The following BRINP3 variants were observed in gnomAD, a reference collection of about 807,000 sequenced individuals.
BRINP3 encodes the protein BMP/retinoic acid-inducible neural-specific protein 3.
BRINP3 carries 19 observed loss-of-function variants against 71.0 expected under a neutral mutation model. That is an observed-to-expected ratio of 0.27 (90% CI 0.19 to 0.39). The LOEUF is 0.39. Among genes scored for constraint, BRINP3 ranks in the 10% least tolerant of loss-of-function variants. The probability of loss-of-function intolerance (pLI) is 1.00; values close to 1 mark genes in which losing one functional copy is unlikely to be tolerated. For synonymous variants in BRINP3, 380 were observed against 337.7 expected, an observed-to-expected ratio of 1.13 and a Z score of -1.37; for missense variants, 959 against 940.8, an observed-to-expected ratio of 1.02 and a Z score of -0.25.
chr1:190,196,978 T>C (rs1654540931), intron 6 of BRINP3, among the ~76,000 whole-genome samples: 1 of 151,130 alleles, frequency 6.6e-6, no homozygotes, highest in Admixed American at 6.6e-5. Flanking sequence ...ATTATTGTTT[T>C]AGTCTGTTCT....
intron 7 of BRINP3, among the ~76,000 whole-genome samples, chr1:190,101,028 C>G (rs1254157412): frequency 1.3e-5 from 2 of 152,138 alleles, no homozygotes; most frequent in Non-Finnish European, 2.9e-5. Flanking sequence ...GTCTTGCCCT[C>G]TCTTTGCTCT....
chr1:190,473,834 G>A (rs1400141354), intron 1 of BRINP3, among the ~76,000 whole-genome samples: 3 of 150,758 alleles, frequency 2.0e-5, no homozygotes, highest in Non-Finnish European at 4.4e-5. Context: ...TCATACTGGG[G>A]TTGTACGCTA....
chr1:190,339,645 C>T (rs1667523929), intron 2 of BRINP3, among the ~76,000 whole-genome samples: 1 of 151,856 alleles, frequency 6.6e-6, no homozygotes, highest in Non-Finnish European at 1.5e-5. Context: ...ATTCATGTGG[C>T]TCCTCTAGTA....
rs187869507 is a variant in BRINP3, at chr1:190,118,737, C to A, written c.1185-19603G>T. 5.9e-5 allele frequency among the ~76,000 whole-genome samples: 9 copies of A among 152,300 alleles called. No homozygotes were observed. The East Asian group carries it at 1.7e-3, about 29-fold the overall frequency. ...AGGCATAATAAAGGTAATGGTATTT[C>A]CTTCAGGCAATTAAAACATCAATCA... On this transcript the variant is annotated intron_variant, in intron 7 of 7. Transcript: ENST00000367462.
intron 1 of BRINP3, among the ~76,000 whole-genome samples, chr1:190,455,403 C>T (rs1243229182): frequency 2.0e-5 from 3 of 152,026 alleles, no homozygotes; most frequent in Non-Finnish European, 2.9e-5. Flanking sequence ...CCATAATCTA[C>T]ATAAACACGG....
chr1:190,459,830 A>C (rs1676263622), intron 1 of BRINP3, among the ~76,000 whole-genome samples: 1 of 152,070 alleles, frequency 6.6e-6, no homozygotes, highest in Non-Finnish European at 1.5e-5. Flanking sequence ...ATAATGTAGA[A>C]CCCATGGAAA....
At chr1:190,211,351 T>C (rs1655973691) in intron 6 of BRINP3, among the ~76,000 whole-genome samples, 1 of 152,110 alleles carries the variant, frequency 6.6e-6, no homozygotes, top group Admixed American at 6.6e-5. Flanking sequence ...GAACCCTGGA[T>C]AATACAGGTA....
intron 2 of BRINP3, among the ~76,000 whole-genome samples, chr1:190,287,897 A>G (rs1308072812): frequency 3.9e-5 from 6 of 152,052 alleles, no homozygotes; most frequent in South Asian, 2.1e-4. Context: ...TTTATGTTAC[A>G]TAGTTTTAAA....
At chr1:190,461,493 G>T (rs1260790650) in intron 1 of BRINP3, among the ~76,000 whole-genome samples, 1 of 152,026 alleles carries the variant, frequency 6.6e-6, no homozygotes, top group East Asian at 1.9e-4. Flanking sequence ...TTGCATGTTT[G>T]CCCTATTTCC....
chr1:190,274,957 G>A (rs930797141), intron 3 of BRINP3, among the ~76,000 whole-genome samples: 8 of 151,594 alleles, frequency 5.3e-5, no homozygotes, highest in Non-Finnish European at 8.9e-5. Flanking sequence ...ATTATGGGGA[G>A]GAAAGAGCTA....
In BRINP3 at chr1:190,098,955, T is replaced by A. The variant is rs1203713197; in HGVS notation, c.1364A>T (p.Asp455Val). ...GCAGGTGCCGCAGCGGGTGCGGTTG[T>A]CTGGTGCGCATGTCAGGCAGGCAGA... ...DASACLTCAP[D>V]NRTRCGTCNT... is the part of the protein sequence containing the mutation. The change falls in exon 8 of 8, where the codon GAC (aspartate) becomes GTC (valine). Residue 455 changes from aspartate (D) to valine (V), a missense_variant. Physicochemically the swap from Asp to Val is radical, Grantham distance 152. Coordinates refer to ENST00000367462, the MANE Select transcript of BRINP3 (RefSeq NM_199051.3). 2.5e-6 allele frequency: 4 copies of A among 1,614,026 alleles called. No individual in the cohort carries two copies. Among genetic ancestry groups the A allele is most frequent in the Non-Finnish European group, 3.4e-6 (4 of 1,180,032 alleles).
intron 2 of BRINP3, among the ~76,000 whole-genome samples, chr1:190,331,558 G>A (rs116079308): frequency 1.3e-5 from 2 of 151,958 alleles, no homozygotes; most frequent in Non-Finnish European, 2.9e-5. Context: ...TTTGTAGTAC[G>A]AGGTGGCCAT....
At chr1:190,448,492 T>TGTGTGA (rs1675385471) in intron 2 of BRINP3, among the ~76,000 whole-genome samples, 2 of 151,116 alleles carry the variant, frequency 1.3e-5, no homozygotes, top group South Asian at 2.1e-4. Context: ...TGTGTGTGTG[T>TGTGTGA]GATCTATTTC....
intron 2 of BRINP3, among the ~76,000 whole-genome samples, chr1:190,317,170 TCAAAAA>T (rs1558176314): frequency 4.2e-5 from 4 of 96,316 alleles, no homozygotes; most frequent in Non-Finnish European, 2.0e-5. Flanking sequence ...AGAGTCCATC[TCAAAAA>T]AAAAAAAAAA....
At chr1:190,381,392 T>G (rs757285812) in intron 2 of BRINP3, among the ~76,000 whole-genome samples, 1 of 152,180 alleles carries the variant, frequency 6.6e-6, no homozygotes, top group Non-Finnish European at 1.5e-5. Flanking sequence ...CTAACAATTA[T>G]GTACCAAGCC....
chr1:190,444,539 A>T (rs1448352881), intron 2 of BRINP3, among the ~76,000 whole-genome samples: 5 of 151,194 alleles, frequency 3.3e-5, no homozygotes, highest in South Asian at 2.1e-4. Flanking sequence ...TTATTTTTTT[A>T]TTTATTTATT....
At chr1:190,464,778 C>T (rs1676629036) in intron 1 of BRINP3, among the ~76,000 whole-genome samples, 1 of 151,844 alleles carries the variant, frequency 6.6e-6, no homozygotes, top group Non-Finnish European at 1.5e-5. Context: ...CAAGTTAATA[C>T]CGACCTCAGA....
chr1:190,301,252 T>G (rs1664718134), intron 2 of BRINP3, among the ~76,000 whole-genome samples: 1 of 141,842 alleles, frequency 7.1e-6, no homozygotes. Context: ...TACATATATA[T>G]ATATATCTTA....
chr1:190,189,316 T>C (rs1219828737), intron 6 of BRINP3, among the ~76,000 whole-genome samples: 1 of 152,158 alleles, frequency 6.6e-6, no homozygotes. Flanking sequence ...TGATTCAATT[T>C]CCTTACTTAT....
Sources: gnomAD v4.1 joint callset for allele counts (sites outside exome capture counted in the v4.1 genomes callset) on GRCh38, gnomAD v4.1.1 for gene constraint, MANE v1.5 for transcripts, NCBI Gene and HGNC (gene_info 2026-07-23, HGNC 2026-07-21) for gene names.